SCTR: variants seen among roughly 807,000 people sequenced by gnomAD.
SCTR encodes secretin receptor.
In SCTR, 56 loss-of-function variants were observed where a neutral mutation model predicts 60.8. The ratio of observed to expected loss-of-function variants is 0.92; its 90% CI spans 0.74 to 1.15. The LOEUF (loss-of-function observed/expected upper bound fraction) is 1.15. SCTR is among the 50% of genes most tolerant of loss of function. The pLI, the probability that SCTR is intolerant of heterozygous loss-of-function variation, is 0.00. For missense variants in SCTR, 562 were observed against 550.4 expected (o/e 1.02, Z -0.21); for synonymous variants, 202 against 217.0 (o/e 0.93, Z 0.61).
chr2:119,466,761 A>G (rs1242957713), intron 4 of SCTR, among the ~76,000 whole-genome samples: 2 of 141,054 alleles, frequency 1.4e-5, no homozygotes, highest in Non-Finnish European at 3.0e-5. Context: ...AAATAAATAA[A>G]TATATACATA....
At chr2:119,514,350 C>G (rs1573928875) in intron 1 of SCTR, among the ~76,000 whole-genome samples, 1 of 152,186 alleles carries the variant, frequency 6.6e-6, no homozygotes, top group East Asian at 1.9e-4. Flanking sequence ...GGGGAGAAAG[C>G]CAATCTCTCC....
At chr2:119,460,607 G>T (rs1316470544) in intron 7 of SCTR, among the ~76,000 whole-genome samples, 2 of 152,282 alleles carry the variant, frequency 1.3e-5, no homozygotes, top group East Asian at 1.9e-4. Context: ...TCTCTGAGAG[G>T]CCTCTGGAGA....
At chr2:119,506,356 A>C (rs1276985754) in intron 1 of SCTR, among the ~76,000 whole-genome samples, 2 of 152,188 alleles carry the variant, frequency 1.3e-5, no homozygotes, top group African/African-American at 4.8e-5. Context: ...ATATGCACCA[A>C]CCTAGACGAA....
At chr2:119,467,844 A>G (rs6720188) in intron 4 of SCTR, among the ~76,000 whole-genome samples, 10,905 of 152,278 alleles carry the variant, frequency 0.072, 1,273 homozygotes, top group African/African-American at 0.25. Flanking sequence ...TACATGAAAA[A>G]GCAGAATTCA....
chr2:119,446,055 C>T (rs920648978), intron 11 of SCTR, among the ~76,000 whole-genome samples: 1 of 152,182 alleles, frequency 6.6e-6, no homozygotes, highest in Non-Finnish European at 1.5e-5. Flanking sequence ...TGCCCAAACA[C>T]GTTTACTGTT....
At chr2:119,512,477 T>A (rs935862534) in intron 1 of SCTR, among the ~76,000 whole-genome samples, 22 of 152,018 alleles carry the variant, frequency 1.4e-4, no homozygotes, top group African/African-American at 5.3e-4. Context: ...GCTCACTGCA[T>A]CCTCTGCCTC....
intron 1 of SCTR, 79 bp from the exon 2 acceptor site, chr2:119,494,627 T>C (rs149408467): frequency 5.4e-6 from 8 of 1,478,472 alleles, no homozygotes; most frequent in Admixed American, 3.4e-5. Flanking sequence ...GGCAAGACAA[T>C]GCAGATTCAA....
At chr2:119,462,091 G>C in intron 6 of SCTR, 91 bp from the exon 7 acceptor site, 4 of 1,317,322 alleles carry the variant, frequency 3.0e-6, no homozygotes, top group Non-Finnish European at 4.1e-6. Flanking sequence ...GGTGTTGTAG[G>C]GGCAGGAGCC....
At chr2:119,460,985 C>T (rs991383866) in intron 7 of SCTR, among the ~76,000 whole-genome samples, 3 of 152,074 alleles carry the variant, frequency 2.0e-5, no homozygotes, top group South Asian at 2.1e-4. Flanking sequence ...CGTTGGAGTT[C>T]GGTACAAGGA....
intron 1 of SCTR, among the ~76,000 whole-genome samples, chr2:119,503,210 T>G (rs1375973065): frequency 6.7e-6 from 1 of 149,484 alleles, no homozygotes; most frequent in Non-Finnish European, 1.5e-5. Context: ...AAATGAGCCA[T>G]TAAGTCACAA....
chr2:119,472,735 C>A (rs1202399991), intron 4 of SCTR, among the ~76,000 whole-genome samples: 1 of 152,118 alleles, frequency 6.6e-6, no homozygotes, highest in African/African-American at 2.4e-5. Flanking sequence ...TCAAACTCTC[C>A]AGCTCAGGCG....
chr2:119,451,226 T>A (rs6754957), intron 9 of SCTR, among the ~76,000 whole-genome samples: 2 of 151,662 alleles, frequency 1.3e-5, no homozygotes, highest in South Asian at 2.1e-4. Flanking sequence ...TGGATGTTAC[T>A]TCCAGCCAAG....
rs527722220 is a variant in SCTR, at chr2:119,512,096, T to C, written c.72+12059A>G. Among the ~76,000 whole-genome samples the C allele has an allele frequency of 8.3e-4, 126 of 152,338 alleles. 1 individual carries two copies. Among genetic ancestry groups the C allele is most frequent in the African/African-American group, 2.9e-3 (122 of 41,580 alleles). ...TTAAATTTATTGATTGGATACTCAG[T>C]CAGCATTTCAATCTGAAGACTTGTG... is the stretch of plus-strand genomic sequence containing the variant. On this transcript the variant is annotated intron_variant, in intron 1 of 12. Coordinates refer to ENST00000019103, the MANE Select transcript of SCTR (RefSeq NM_002980.3).
intron 1 of SCTR, among the ~76,000 whole-genome samples, chr2:119,518,070 G>A (rs918542465): frequency 4.1e-4 from 62 of 152,276 alleles, no homozygotes; most frequent in African/African-American, 1.4e-3. Flanking sequence ...TGAGGACAAA[G>A]TGGCCATGTG....
intron 1 of SCTR, among the ~76,000 whole-genome samples, chr2:119,518,065 A>T (rs1679169856): frequency 6.6e-6 from 1 of 152,154 alleles, no homozygotes; most frequent in Non-Finnish European, 1.5e-5. Flanking sequence ...CCACATGAGG[A>T]CAAAGTGGCC....
chr2:119,484,170 C>G (rs1056382143), intron 2 of SCTR, among the ~76,000 whole-genome samples: 1 of 152,068 alleles, frequency 6.6e-6, no homozygotes, highest in Non-Finnish European at 1.5e-5. Flanking sequence ...GTCAATAGGG[C>G]CACACTTACT....
chr2:119,522,816 G>C (rs1558887749), intron 1 of SCTR, among the ~76,000 whole-genome samples: 1 of 152,144 alleles, frequency 6.6e-6, no homozygotes, highest in Non-Finnish European at 1.5e-5. Flanking sequence ...ACTGTCCCCA[G>C]TATCCCAGTT....
chr2:119,520,845 G>T (rs931133174), intron 1 of SCTR, among the ~76,000 whole-genome samples: 2 of 152,180 alleles, frequency 1.3e-5, no homozygotes, highest in Non-Finnish European at 2.9e-5. Context: ...AACCCAATGT[G>T]AAATGAATAC....
intron 10 of SCTR, among the ~76,000 whole-genome samples, chr2:119,447,731 C>T (rs967256269): frequency 6.6e-6 from 1 of 152,162 alleles, no homozygotes; most frequent in Non-Finnish European, 1.5e-5. Flanking sequence ...TCCACCACGC[C>T]TGGCTAATTT....
Sources: allele counts gnomAD v4.1 joint callset (sites outside exome capture counted in the v4.1 genomes callset), GRCh38; gene constraint gnomAD v4.1.1; transcripts MANE v1.5; gene names NCBI Gene and HGNC (gene_info 2026-07-23, HGNC 2026-07-21).